Variants in TAOK3 observed in about 807,000 individuals in gnomAD.
The protein encoded by TAOK3 is TAO kinase 3.
Under a neutral mutation model 120.4 loss-of-function variants are expected in TAOK3, and 40 were observed. The observed-to-expected ratio is 0.33, with a 90% CI of 0.26 to 0.43. TAOK3 has a LOEUF of 0.43. TAOK3 is among the 20% of genes least tolerant of loss of function. The probability of loss-of-function intolerance (pLI) is 1.00; values close to 1 mark genes in which losing one functional copy is unlikely to be tolerated. For synonymous variants in TAOK3, 355 were observed against 387.5 expected, an observed-to-expected ratio of 0.92 and a Z score of 0.99; for missense variants, 821 against 1,112.1, an observed-to-expected ratio of 0.74 and a Z score of 3.72.
chr12:118,262,437 G>A (rs906151990), intron 2 of TAOK3, among the ~76,000 whole-genome samples: 1 of 151,978 alleles, frequency 6.6e-6, no homozygotes, highest in Non-Finnish European at 1.5e-5. Context: ...AGCTGAGATC[G>A]CACTACTACA....
intron 1 of TAOK3, among the ~76,000 whole-genome samples, chr12:118,337,953 T>TGATA (rs1053570742): frequency 3.3e-5 from 5 of 152,234 alleles, no homozygotes; most frequent in African/African-American, 1.2e-4. Flanking sequence ...ATTCTGGCTG[T>TGATA]GATACCATCT....
intron 1 of TAOK3, among the ~76,000 whole-genome samples, chr12:118,351,556 TA>T (rs1482606430): frequency 2.6e-5 from 4 of 152,334 alleles, no homozygotes; most frequent in Admixed American, 6.5e-5. Context: ...TTTTGCATTT[TA>T]AAAGTTTTCA....
intron 1 of TAOK3, among the ~76,000 whole-genome samples, chr12:118,272,308 A>G (rs2041738869): frequency 7.5e-6 from 1 of 133,708 alleles, no homozygotes. Flanking sequence ...AAAAAAAAAA[A>G]GAAAGAAAGA....
At chr12:118,293,798 G>C (rs2042574286) in intron 1 of TAOK3, among the ~76,000 whole-genome samples, 1 of 151,878 alleles carries the variant, frequency 6.6e-6, no homozygotes, top group Non-Finnish European at 1.5e-5. Flanking sequence ...CAAATCACCT[G>C]AGGCTGGGAG....
chr12:118,162,996 A>G (rs2035321749), intron 17 of TAOK3, among the ~76,000 whole-genome samples: 1 of 152,224 alleles, frequency 6.6e-6, no homozygotes. Context: ...AGGGAAGTGC[A>G]CTAGACATTT....
At position 118,181,665 on chromosome 12, in the gene TAOK3, AT is replaced by A. The variant is rs2036731278; in HGVS notation, c.1330-59del. The A allele has an allele frequency of 1.0e-5, 15 of 1,484,188 alleles. No individual in the cohort carries two copies. In the East Asian group the frequency reaches 3.4e-4, roughly 34 times the overall value. 91.9% of individuals were successfully genotyped at this position (1,484,188 alleles called of 1,614,324 possible). ...CCAGGTTCATGGGAGACAAGCTTTCATGCAAAGTAGAACGGCCCTGTGGCAT... is the reference window on the plus strand; with the variant it reads ...CCAGGTTCATGGGAGACAAGCTTTCAGCAAAGTAGAACGGCCCTGTGGCAT... On this transcript the variant is annotated intron_variant, in intron 14 of 20. Transcript: ENST00000392533.
intron 1 of TAOK3, among the ~76,000 whole-genome samples, chr12:118,310,650 A>G (rs1851367077): frequency 6.6e-6 from 1 of 152,184 alleles, no homozygotes. Context: ...CTGCCCATTT[A>G]ATATATAATA....
At chr12:118,369,771 C>G (rs2045846636) in intron 1 of TAOK3, among the ~76,000 whole-genome samples, 1 of 152,134 alleles carries the variant, frequency 6.6e-6, no homozygotes, top group African/African-American at 2.4e-5. Flanking sequence ...AAAATACACT[C>G]AATACATCTT....
At chr12:118,213,163 T>C (rs2038715289) in intron 10 of TAOK3, among the ~76,000 whole-genome samples, 168 bp from the exon 11 acceptor site, 1 of 152,216 alleles carries the variant, frequency 6.6e-6, no homozygotes, top group African/African-American at 2.4e-5. Flanking sequence ...TATCTAAAAT[T>C]CTTTTGGATA....
At chr12:118,355,121 T>C (rs991520375) in intron 1 of TAOK3, among the ~76,000 whole-genome samples, 7 of 152,280 alleles carry the variant, frequency 4.6e-5, no homozygotes, top group African/African-American at 4.8e-5. Context: ...TTTTCCACTT[T>C]AGTATTTTTA....
chr12:118,264,767 C>T (rs2041371179), intron 2 of TAOK3, among the ~76,000 whole-genome samples: 1 of 152,230 alleles, frequency 6.6e-6, no homozygotes, highest in South Asian at 2.1e-4. Flanking sequence ...GGTGTGGTAG[C>T]TCATGCTTGT....
chr12:118,235,494 G>T, intron 8 of TAOK3, 64 bp downstream of exon 8: 1 of 1,301,964 alleles, frequency 7.7e-7, no homozygotes, highest in Non-Finnish European at 1.1e-6. Flanking sequence ...AGCCAAACCA[G>T]CACCATAGTT....
chr12:118,253,073 G>A (rs1282037832), intron 3 of TAOK3, among the ~76,000 whole-genome samples: 4 of 152,124 alleles, frequency 2.6e-5, no homozygotes, highest in Admixed American at 2.0e-4. Context: ...TGTATTTAAT[G>A]ACAAAATATA....
chr12:118,343,966 G>A (rs1593630014), intron 1 of TAOK3, among the ~76,000 whole-genome samples: 1 of 150,660 alleles, frequency 6.6e-6, no homozygotes, highest in Admixed American at 6.6e-5. Flanking sequence ...GAGCTGAGAT[G>A]GTGCCACTGC....
At chr12:118,345,658 T>C (rs2044824805) in intron 1 of TAOK3, among the ~76,000 whole-genome samples, 1 of 150,880 alleles carries the variant, frequency 6.6e-6, no homozygotes, top group Non-Finnish European at 1.5e-5. Flanking sequence ...TGTCAGGACA[T>C]ACAATGTAAT....
At chr12:118,198,968 A>T in intron 13 of TAOK3, 83 bp downstream of exon 13, 2 of 1,502,522 alleles carry the variant, frequency 1.3e-6, no homozygotes, top group South Asian at 2.3e-5. Context: ...AAGGTAACTG[A>T]AACATCTGGA....
intron 9 of TAOK3, among the ~76,000 whole-genome samples, chr12:118,228,981 G>T (rs1173675569): frequency 6.6e-6 from 1 of 152,098 alleles, no homozygotes; most frequent in Non-Finnish European, 1.5e-5. Context: ...CAGTGCAGTG[G>T]CGTGATCATG....
chr12:118,263,149 T>C (rs1242494870), intron 2 of TAOK3, among the ~76,000 whole-genome samples: 1 of 152,140 alleles, frequency 6.6e-6, no homozygotes, highest in African/African-American at 2.4e-5. Flanking sequence ...GATAGACAAA[T>C]TAATCAGTGC....
chr12:118,303,818 T>A (rs1029163199), intron 1 of TAOK3, among the ~76,000 whole-genome samples: 1 of 152,224 alleles, frequency 6.6e-6, no homozygotes, highest in African/African-American at 2.4e-5. Context: ...CAGCTAATTT[T>A]TGTATTTTCA....
Sources: gnomAD v4.1 joint callset for allele counts (sites outside exome capture counted in the v4.1 genomes callset) on GRCh38, gnomAD v4.1.1 for gene constraint, MANE v1.5 for transcripts, NCBI Gene and HGNC (gene_info 2026-07-23, HGNC 2026-07-21) for gene names.